RNPC3: variants seen among roughly 807,000 people sequenced by gnomAD.
The protein encoded by RNPC3 is RNA-binding region-containing protein 3.
Under a neutral mutation model 67.5 loss-of-function variants are expected in RNPC3, and 48 were observed. The observed-to-expected ratio is 0.71, with a 90% CI of 0.56 to 0.90. RNPC3 has a LOEUF of 0.90. RNPC3 is among the 40% of genes least tolerant of loss of function. The pLI, the probability that RNPC3 is intolerant of heterozygous loss-of-function variation, is 0.00. For missense variants in RNPC3, 637 were observed against 626.1 expected (o/e 1.02, Z -0.19); for synonymous variants, 239 against 210.3 (o/e 1.14, Z -1.18).
At chr1:103,535,219 C>A in intron 4 of RNPC3, 111 bp from the exon 5 acceptor site, 1 of 635,500 alleles carries the variant, frequency 1.6e-6, no homozygotes, top group South Asian at 2.2e-5. Context: ...CAAGGTAAAT[C>A]TAATAGTACT....
At chr1:103,537,254 A>C (rs1651008582) in intron 6 of RNPC3, 88 bp from the exon 7 acceptor site, 1 of 898,560 alleles carries the variant, frequency 1.1e-6, no homozygotes, top group Non-Finnish European at 1.6e-6. Flanking sequence ...AGACCATGTG[A>C]TAGAAATGAG....
chr1:103,548,888 G>A (rs757730932), intron 12 of RNPC3, among the ~76,000 whole-genome samples: 6 of 152,164 alleles, frequency 3.9e-5, no homozygotes, highest in Non-Finnish European at 8.8e-5. Context: ...CAATCGTGGC[G>A]GAGGGCAAGG....
At chr1:103,552,448 A>AG (rs386367888) in intron 14 of RNPC3, 1 of 151,636 alleles carries the variant, frequency 6.6e-6, no homozygotes, top group African/African-American at 2.4e-5. Flanking sequence ...AAAGTTAAAA[A>AG]AAAAAGTCAA....
At chr1:103,549,863 A>G (rs1651342857) in intron 12 of RNPC3, among the ~76,000 whole-genome samples, 1 of 152,102 alleles carries the variant, frequency 6.6e-6, no homozygotes, top group South Asian at 2.1e-4. Flanking sequence ...ATTGCTTATA[A>G]TAATATAATG....
chr1:103,533,664 AG>A (rs976422115), intron 2 of RNPC3, 74 bp from the exon 3 acceptor site: 3 of 741,906 alleles, frequency 4.0e-6, no homozygotes, highest in African/African-American at 3.7e-5. Context: ...AAAAAAAAAA[AG>A]TATAAAAATT....
At chr1:103,533,894 T>G in intron 3 of RNPC3, 37 bp downstream of exon 3, 1 of 1,067,098 alleles carries the variant, frequency 9.4e-7, no homozygotes, top group South Asian at 1.4e-5. Context: ...TTTGTTACAT[T>G]TTTAAAGTGT....
intron 14 of RNPC3, chr1:103,554,516 A>C (rs1404755322): frequency 6.5e-6 from 1 of 152,742 alleles, no homozygotes; most frequent in South Asian, 2.1e-4. Context: ...TTTATGCATA[A>C]AGATTCCTGT....
Position 103,534,828 on chromosome 1 carries a change from A to G in RNPC3, c.414A>G (p.Thr138=). ...DKEKKELGYL[T]VENGIAPNHG... is the part of the protein sequence containing the mutation. ...AAAAAAAAGAACTTGGTTATTTAAC[A>G]GTAGAAAATGGAATTGCACCAAACC... The change falls in exon 4 of 15, where the codon ACA becomes ACG. Residue 138 remains threonine, a synonymous_variant. Coordinates refer to ENST00000423855, the MANE Select transcript of RNPC3 (RefSeq NM_017619.4). The G allele has an allele frequency of 6.5e-7, 1 of 1,532,776 alleles. No homozygotes were observed. Among genetic ancestry groups the G allele is most frequent in the Non-Finnish European group, 8.7e-7 (1 of 1,144,762 alleles). 94.9% of individuals were successfully genotyped at this position (1,532,776 alleles called of 1,614,324 possible).
rs1651263032 is a variant in RNPC3 at position 103,547,055 on chromosome 1, A to C, written c.1361+20A>C. On this transcript the variant is annotated intron_variant, in intron 12 of 14. Coordinates refer to ENST00000423855, the MANE Select transcript of RNPC3 (RefSeq NM_017619.4). ...GATCATGTAAGTGACAGTAAAATAC[A>C]ATCTTCAATTATATTTTGTTTTTAT... 1.5e-6 allele frequency: 2 copies of C among 1,376,726 alleles called. No homozygotes were observed. Among genetic ancestry groups the C allele is most frequent in the Non-Finnish European group, 2.0e-6 (2 of 1,024,938 alleles). The allele number at this position is 1,376,726 out of a possible 1,614,324, so 85.3% of individuals were successfully genotyped here.
chr1:103,551,658 G>T (rs1651389932), intron 13 of RNPC3, 63 bp from the exon 14 acceptor site: 2 of 1,092,258 alleles, frequency 1.8e-6, no homozygotes, highest in Admixed American at 2.7e-5. Flanking sequence ...GAAAGTTTTT[G>T]AGAATTATTT....
intron 3 of RNPC3, among the ~76,000 whole-genome samples, chr1:103,534,216 G>A (rs138099595): frequency 1.6e-4 from 24 of 152,022 alleles, no homozygotes; most frequent in African/African-American, 4.8e-4. Flanking sequence ...GTGACTCTTC[G>A]TAGTACAGCT....
chr1:103,547,079 A>G (rs1345691307), intron 12 of RNPC3, 44 bp downstream of exon 12: 4 of 1,135,356 alleles, frequency 3.5e-6, no homozygotes, highest in Non-Finnish European at 4.9e-6. Context: ...TTTTGTTTTT[A>G]TCTATTACAA....
intron 13 of RNPC3, 49 bp downstream of exon 13, chr1:103,551,122 T>A (rs1355918579): frequency 1.4e-6 from 2 of 1,439,846 alleles, no homozygotes; most frequent in Non-Finnish European, 9.3e-7. Context: ...TTTAGAAGGA[T>A]ATAACTGAAA....
intron 11 of RNPC3, chr1:103,546,549 G>C (rs946337839): frequency 5.5e-6 from 2 of 365,934 alleles, no homozygotes; most frequent in African/African-American, 4.2e-5. Flanking sequence ...AGTAAATACT[G>C]AGACAGAGTT....
Position 103,526,033 on chromosome 1 carries a change from T to G in RNPC3, c.-38T>G, listed in dbSNP as rs940232166. 6.1e-6 allele frequency: 9 copies of G among 1,475,526 alleles called. No homozygotes were observed. The East Asian group carries it at 7.8e-5, about 13-fold the overall frequency. 91.4% of individuals were successfully genotyped at this position (1,475,526 alleles called of 1,614,324 possible). A position where few individuals can be genotyped will look rare whatever the true frequency, so the allele number is the denominator to read the frequency against. ...TTGATGCCGCGATTTTGACTGAGACTTCTTCCCACGATTTCTGTTTTTGCT... is the reference window on the plus strand; with the variant it reads ...TTGATGCCGCGATTTTGACTGAGACGTCTTCCCACGATTTCTGTTTTTGCT... On this transcript the variant is annotated 5_prime_UTR_variant, in exon 1 of 15. Transcript: ENST00000423855.
chr1:103,534,048 G>C (rs1452860629), intron 3 of RNPC3, among the ~76,000 whole-genome samples, 191 bp downstream of exon 3: 1 of 151,980 alleles, frequency 6.6e-6, no homozygotes, highest in African/African-American at 2.4e-5. Flanking sequence ...TTAGGAACCA[G>C]ATTTAATATT....
intron 7 of RNPC3, among the ~76,000 whole-genome samples, chr1:103,540,942 T>A (rs1445545649): frequency 6.6e-6 from 1 of 152,160 alleles, no homozygotes; most frequent in African/African-American, 2.4e-5. Context: ...CATATTTCAG[T>A]CCAGGCTCCG....
intron 2 of RNPC3, among the ~76,000 whole-genome samples, chr1:103,529,866 T>A (rs1225945989): frequency 6.6e-6 from 1 of 152,166 alleles, no homozygotes; most frequent in Non-Finnish European, 1.5e-5. Flanking sequence ...ACTGGCAGGC[T>A]GAGGAAGCTT....
At chr1:103,536,449 C>T (rs1207939925) in intron 6 of RNPC3, among the ~76,000 whole-genome samples, 2 of 152,094 alleles carry the variant, frequency 1.3e-5, no homozygotes, top group Admixed American at 6.5e-5. Flanking sequence ...AACATTGTGC[C>T]ATCCTATAAG....
Sources: gnomAD v4.1 joint callset for allele counts (sites outside exome capture counted in the v4.1 genomes callset) on GRCh38, gnomAD v4.1.1 for gene constraint, MANE v1.5 for transcripts, NCBI Gene and HGNC (gene_info 2026-07-23, HGNC 2026-07-21) for gene names.